SLC25A26: variants seen among roughly 807,000 people sequenced by gnomAD.
SLC25A26 encodes solute carrier family 25 member 26.
In SLC25A26, 36 loss-of-function variants were observed where a neutral mutation model predicts 37.8. That is an observed-to-expected ratio of 0.95 (90% CI 0.73 to 1.26). The LOEUF (loss-of-function observed/expected upper bound fraction) is 1.26. SLC25A26 is among the 50% of genes most tolerant of loss of function. SLC25A26 has a pLI of 0.00. For missense variants in SLC25A26, 390 were observed against 331.1 expected, an observed-to-expected ratio of 1.18 and a Z score of -1.38; for synonymous variants, 129 against 122.5, an observed-to-expected ratio of 1.05 and a Z score of -0.35.
At chr3:66,145,587 GT>G (rs935104161) in intron 1 of SLC25A26, among the ~76,000 whole-genome samples, 2 of 151,462 alleles carry the variant, frequency 1.3e-5, no homozygotes, top group Admixed American at 1.3e-4. Flanking sequence ...TATAACTTTT[GT>G]TTTTTTTTAA....
chr3:66,199,956 C>T (rs1381266318), intron 1 of SLC25A26, among the ~76,000 whole-genome samples: 2 of 152,314 alleles, frequency 1.3e-5, no homozygotes, highest in East Asian at 3.9e-4. Context: ...TCTATGCACA[C>T]ACATTCTAGT....
rs1297765117 is a variant in SLC25A26 at position 66,321,061 on chromosome 3, TTATAA to T, written c.454-25302_454-25298del. On this transcript the variant is annotated intron_variant, in intron 5 of 9. Transcript: ENST00000354883. The stretch of plus-strand genomic sequence containing the variant: ...AGGCCCCATGATGGGATTAGCATCT[TTATAA>T]AAAACACCTGAGAGAGAAAGAGAGC... Among the ~76,000 whole-genome samples the T allele has an allele frequency of 2.0e-5, 3 of 152,060 alleles. No homozygotes were observed. In the South Asian group the frequency reaches 6.2e-4, roughly 31 times the overall value.
chr3:66,372,689 G>A (rs149504296), intron 9 of SLC25A26, among the ~76,000 whole-genome samples: 12 of 152,302 alleles, frequency 7.9e-5, no homozygotes, highest in African/African-American at 2.4e-4. Flanking sequence ...GTTTTGATTA[G>A]CCACTTATTA....
At chr3:66,216,154 G>C (rs898614412), upstream of SLC25A26, among the ~76,000 whole-genome samples, 45 of 152,122 alleles carry the variant, frequency 3.0e-4, no homozygotes, top group Non-Finnish European at 5.9e-5. Flanking sequence ...TCACACTGGC[G>C]ATTAAGTTTC....
intron 5 of SLC25A26, chr3:66,293,323 A>G (rs2074779878): frequency 6.6e-6 from 1 of 152,086 alleles, no homozygotes. Flanking sequence ...TTTCTTCATG[A>G]AATCATATAC....
intron 5 of SLC25A26, among the ~76,000 whole-genome samples, chr3:66,312,892 C>A (rs1179201614): frequency 6.6e-6 from 1 of 152,120 alleles, no homozygotes; most frequent in Non-Finnish European, 1.5e-5. Context: ...CAGAAATCAC[C>A]CACCTTCTGT....
At chr3:66,307,699 G>T (rs1342134506) in intron 5 of SLC25A26, among the ~76,000 whole-genome samples, 1 of 152,228 alleles carries the variant, frequency 6.6e-6, no homozygotes, top group Non-Finnish European at 1.5e-5. Context: ...AAGGGGTCCA[G>T]TTTGAGTTTT....
In SLC25A26 at chr3:66,366,215, T is replaced by C. The variant is rs138007390; in HGVS notation, c.569-3263T>C. 6.2e-3 allele frequency among the ~76,000 whole-genome samples: 946 copies of C among 152,366 alleles called. 12 individuals are homozygous for C. Among genetic ancestry groups the C allele is most frequent in the African/African-American group, 0.017 (727 of 41,582 alleles). ...GAACACAAAAGCAGCCTGTAATTGC[T>C]GTACCAAATAATTATTTCCTGTCTC... On this transcript the variant is annotated intron_variant, in intron 7 of 9. Coordinates refer to ENST00000354883, the MANE Select transcript of SLC25A26 (RefSeq NM_001379210.1).
intron 5 of SLC25A26, among the ~76,000 whole-genome samples, chr3:66,278,691 A>G (rs1167861004): frequency 6.6e-6 from 1 of 152,052 alleles, no homozygotes; most frequent in Non-Finnish European, 1.5e-5. Flanking sequence ...TCGTTTCTTT[A>G]TTTCTTATCC....
chr3:66,324,712 G>A (rs2075790592), intron 5 of SLC25A26, among the ~76,000 whole-genome samples: 1 of 152,102 alleles, frequency 6.6e-6, no homozygotes, highest in African/African-American at 2.4e-5. Flanking sequence ...CTAGAAGCAA[G>A]ATGGAGTTGG....
intron 1 of SLC25A26, among the ~76,000 whole-genome samples, chr3:66,195,507 T>C (rs2071031083): frequency 6.6e-6 from 1 of 152,140 alleles, no homozygotes; most frequent in Admixed American, 6.5e-5. Context: ...GGAGGCAGGG[T>C]TGGAGGCTCA....
chr3:66,301,548 T>A (rs1006099882), intron 5 of SLC25A26, among the ~76,000 whole-genome samples: 1 of 152,200 alleles, frequency 6.6e-6, no homozygotes, highest in Non-Finnish European at 1.5e-5. Flanking sequence ...AGTAAAACTT[T>A]AACAAGAGGG....
At chr3:66,138,730 G>C (rs757914665) in intron 1 of SLC25A26, among the ~76,000 whole-genome samples, 26 of 152,230 alleles carry the variant, frequency 1.7e-4, no homozygotes, top group Non-Finnish European at 3.7e-4. Flanking sequence ...GAGAGCCAGA[G>C]GTTCCTCTTC....
rs144445910 is a variant in SLC25A26 at position 66,141,483 on chromosome 3, C to G, written c.-354+7499C>G. ...GGATGATAATGATGTCCTGTGTCAT[C>G]TTGATGAAAGCAAATCTTTGAAATA... On this transcript the variant is annotated intron_variant, in intron 1 of 10. Coordinates refer to the SLC25A26 transcript ENST00000676754. Among the ~76,000 whole-genome samples the G allele has an allele frequency of 4.4e-4, 66 of 151,260 alleles. No homozygotes were observed. The East Asian group carries it at 0.012, about 26-fold the overall frequency.
intron 1 of SLC25A26, among the ~76,000 whole-genome samples, chr3:66,177,436 G>A (rs1245492350): frequency 1.3e-5 from 2 of 152,204 alleles, no homozygotes; most frequent in Non-Finnish European, 2.9e-5. Flanking sequence ...TGAAGATACG[G>A]AAAGTTTTCA....
chr3:66,302,581 C>T (rs1056547515), intron 5 of SLC25A26, among the ~76,000 whole-genome samples: 1 of 152,200 alleles, frequency 6.6e-6, no homozygotes, highest in African/African-American at 2.4e-5. Flanking sequence ...ACCATGTGTT[C>T]TGCACACTCA....
rs1553656263 is a variant in SLC25A26, at chr3:66,209,898, T to TTTTATATATA, written c.-353-10843_-353-10842insTTATATATAT. On this transcript the variant is annotated intron_variant, in intron 1 of 10. Coordinates refer to the SLC25A26 transcript ENST00000676754. ...TATACTCCTCTCTCTCTCTCTCTAT[T>TTTTATATATA]TATATATATATATATATATATATAT... Among the ~76,000 whole-genome samples, 214 of 38,616 alleles carry TTTTATATATA rather than the reference T, an allele frequency of 5.5e-3. 10 individuals are homozygous for TTTTATATATA. Among genetic ancestry groups the TTTTATATATA allele is most frequent in the Non-Finnish European group, 8.9e-3 (178 of 19,912 alleles). 25.3% of individuals were successfully genotyped at this position (38,616 alleles called of 152,430 possible).
At chr3:66,259,319 A>G (rs571673150) in intron 3 of SLC25A26, among the ~76,000 whole-genome samples, 4 of 152,280 alleles carry the variant, frequency 2.6e-5, no homozygotes, top group African/African-American at 9.6e-5. Context: ...GATCACCTGT[A>G]TGCTGATGAC....
At chr3:66,282,009 T>C (rs2074359597) in intron 5 of SLC25A26, among the ~76,000 whole-genome samples, 1 of 136,160 alleles carries the variant, frequency 7.3e-6, no homozygotes, top group South Asian at 2.5e-4. Context: ...TTTTTTTTTT[T>C]TTTTTTTTTT....
Sources: allele counts gnomAD v4.1 joint callset (sites outside exome capture counted in the v4.1 genomes callset), GRCh38; gene constraint gnomAD v4.1.1; transcripts MANE v1.5; gene names NCBI Gene and HGNC (gene_info 2026-07-23, HGNC 2026-07-21).